Variants in WDR93 observed in about 807,000 individuals in gnomAD.
The protein encoded by WDR93 is WD repeat domain 93.
In WDR93, 73 loss-of-function variants were observed where a neutral mutation model predicts 82.9. That is an observed-to-expected ratio of 0.88 (90% CI 0.73 to 1.07). The LOEUF is 1.07. Among genes scored for constraint, WDR93 ranks in the 50% least tolerant of loss-of-function variants. WDR93 has a pLI of 0.00. For synonymous variants in WDR93, 283 were observed against 300.1 expected, an observed-to-expected ratio of 0.94 and a Z score of 0.59; for missense variants, 738 against 826.0, an observed-to-expected ratio of 0.89 and a Z score of 1.31.
chr15:89,721,727 C>T lies in WDR93; in HGVS notation c.796-328C>T, dbSNP rs551314824. ...GCCACCTCAAACTCCTGGCCTCAAG[C>T]GTTCTTCCCACTTCAGCCTCCAGAG... On this transcript the variant is annotated intron_variant, in intron 7 of 16. Transcript: ENST00000268130. 4.6e-5 allele frequency among the ~76,000 whole-genome samples: 7 copies of T among 152,170 alleles called. No homozygotes were observed. The South Asian group carries it at 8.3e-4, about 18-fold the overall frequency.
intron 4 of WDR93, 30 bp downstream of exon 4, chr15:89,705,648 G>C (rs753592311): frequency 7.3e-7 from 1 of 1,375,640 alleles, no homozygotes; most frequent in Admixed American, 1.7e-5. Context: ...CCATTAGCTG[G>C]GCCAAAAGCT....
chr15:89,737,067 A>G (rs1048292774), intron 14 of WDR93, among the ~76,000 whole-genome samples: 1 of 152,230 alleles, frequency 6.6e-6, no homozygotes, highest in African/African-American at 2.4e-5. Context: ...CTGGGATTAC[A>G]GGCATGAGCC....
At chr15:89,719,911 T>G (rs1281698252) in intron 7 of WDR93, among the ~76,000 whole-genome samples, 1 of 152,004 alleles carries the variant, frequency 6.6e-6, no homozygotes, top group Admixed American at 6.6e-5. Flanking sequence ...AGCAATTCTC[T>G]GCCTCAGCCT....
intron 7 of WDR93, 92 bp downstream of exon 7, chr15:89,717,041 C>CTTTA: frequency 1.5e-5 from 5 of 335,748 alleles, no homozygotes; most frequent in Non-Finnish European, 2.3e-5. Flanking sequence ...TTTTCTTTTT[C>CTTTA]TTTCTTTTTT....
chr15:89,690,720 AGGTTAT>A, upstream of WDR93: 2 of 946,864 alleles, frequency 2.1e-6, no homozygotes, highest in Non-Finnish European at 1.6e-6. Flanking sequence ...GGTCAGTCCC[AGGTTAT>A]CCGCTGAGGG....
intron 1 of WDR93, among the ~76,000 whole-genome samples, chr15:89,693,707 G>C (rs926799230): frequency 2.6e-5 from 4 of 152,190 alleles, no homozygotes; most frequent in Non-Finnish European, 5.9e-5. Flanking sequence ...CCAGACCCAG[G>C]GTTTCTGTGC....
At chr15:89,698,735 T>C (rs544313565) in intron 1 of WDR93, among the ~76,000 whole-genome samples, 9 of 152,300 alleles carry the variant, frequency 5.9e-5, no homozygotes, top group Middle Eastern at 3.4e-3. Flanking sequence ...ATGTTATTAA[T>C]CCTACACTAC....
intron 5 of WDR93, among the ~76,000 whole-genome samples, chr15:89,714,492 A>G (rs546456418): frequency 6.6e-6 from 1 of 151,844 alleles, no homozygotes; most frequent in East Asian, 1.9e-4. Context: ...TGCCCGGCTA[A>G]TTTTTGTATT....
intron 14 of WDR93, among the ~76,000 whole-genome samples, chr15:89,736,673 T>C (rs1445389803): frequency 2.0e-5 from 3 of 151,400 alleles, no homozygotes; most frequent in African/African-American, 7.3e-5. Context: ...TGGAGACGAG[T>C]GGCTGAAGCT....
intron 7 of WDR93, among the ~76,000 whole-genome samples, chr15:89,718,399 G>A (rs530894554): frequency 2.9e-4 from 43 of 147,592 alleles, no homozygotes; most frequent in Admixed American, 8.7e-4. Flanking sequence ...GCTTGAACCC[G>A]GGAGGCGGAG....
chr15:89,729,847 G>A (rs1966844293), intron 11 of WDR93, 78 bp downstream of exon 11: 2 of 1,202,992 alleles, frequency 1.7e-6, no homozygotes, highest in South Asian at 1.3e-5. Flanking sequence ...CTAAGAGCAT[G>A]TGACTGACAT....
At chr15:89,708,999 G>A (rs1333750566) in intron 4 of WDR93, among the ~76,000 whole-genome samples, 1 of 152,256 alleles carries the variant, frequency 6.6e-6, no homozygotes, top group African/African-American at 2.4e-5. Context: ...TATTGTGGCT[G>A]TGACGGCCAG....
chr15:89,722,510 T>G (rs1414888630), intron 8 of WDR93, among the ~76,000 whole-genome samples: 1 of 152,214 alleles, frequency 6.6e-6, no homozygotes, highest in African/African-American at 2.4e-5. Flanking sequence ...ATGCCCATAA[T>G]GCACCAAGCA....
chr15:89,730,189 G>C (rs1466210506), intron 11 of WDR93, among the ~76,000 whole-genome samples: 2 of 152,164 alleles, frequency 1.3e-5, no homozygotes, highest in Non-Finnish European at 2.9e-5. Context: ...GCCGGATATG[G>C]TGGCATGCGC....
At chr15:89,725,478 C>T (rs1430825439) in intron 8 of WDR93, among the ~76,000 whole-genome samples, 1 of 151,532 alleles carries the variant, frequency 6.6e-6, no homozygotes, top group Non-Finnish European at 1.5e-5. Flanking sequence ...GGTTGCCACT[C>T]TTCCCAGAGA....
At chr15:89,725,996 T>G (rs1567120491) in intron 8 of WDR93, among the ~76,000 whole-genome samples, 1 of 152,220 alleles carries the variant, frequency 6.6e-6, no homozygotes, top group Non-Finnish European at 1.5e-5. Context: ...AAAGGTTTAA[T>G]AACTAAAGAT....
chr15:89,739,750 T>G (rs1967506387), intron 16 of WDR93, among the ~76,000 whole-genome samples: 1 of 152,212 alleles, frequency 6.6e-6, no homozygotes, highest in African/African-American at 2.4e-5. Flanking sequence ...GATGTTCCTA[T>G]GTATGTAACG....
intron 5 of WDR93, among the ~76,000 whole-genome samples, chr15:89,713,038 C>T (rs974619042): frequency 2.0e-5 from 3 of 150,852 alleles, no homozygotes; most frequent in South Asian, 2.1e-4. Context: ...ACAGGAAAAT[C>T]GCTTGAACCT....
In WDR93 at chr15:89,722,106, A is replaced by G; in HGVS notation, c.847A>G (p.Ile283Val). 1 of 1,608,926 alleles carries G rather than the reference A, an allele frequency of 6.2e-7. No individual in the cohort carries two copies. The highest frequency in any genetic ancestry group is 1.1e-5 in the South Asian group (1 of 89,694). Residue 283 changes from isoleucine to valine, a missense_variant, in exon 8 of 17, where the codon ATA becomes GTA. Coordinates refer to ENST00000268130, the MANE Select transcript of WDR93 (RefSeq NM_020212.2). The stretch of plus-strand genomic sequence containing the variant: ...CATTAAATTGAGTCTTCCAGTTTAC[A>G]TAATGAAGATCAAACCACCTAAGCC... Reference protein sequence around the residue: ...GDIKLSLPVYIMKIKPPKPVT... With the variant: ...GDIKLSLPVYVMKIKPPKPVT...
Sources: gnomAD v4.1 joint callset for allele counts (sites outside exome capture counted in the v4.1 genomes callset) on GRCh38, gnomAD v4.1.1 for gene constraint, MANE v1.5 for transcripts, NCBI Gene and HGNC (gene_info 2026-07-23, HGNC 2026-07-21) for gene names.